UPK2: variants seen among roughly 807,000 people sequenced by gnomAD.
UPK2 encodes the protein uroplakin 2.
A neutral mutation model predicts 14.8 loss-of-function variants in UPK2; 19 were observed. The observed-to-expected ratio is 1.29, with a 90% confidence interval of 0.90 to 1.89. The LOEUF is 1.89. UPK2 is among the 40% of genes most tolerant of loss of function. The probability of loss-of-function intolerance (pLI) is 0.00; values close to 1 mark genes in which losing one functional copy is unlikely to be tolerated. For synonymous variants in UPK2, 102 were observed against 101.6 expected (o/e 1.00, Z -0.02); for missense variants, 232 against 236.0 (o/e 0.98, Z 0.11).
rs778750494 is a variant in UPK2, at chr11:118,957,630, C to T, written c.380C>T (p.Thr127Ile). 6.2e-7 allele frequency: 1 copy of T among 1,614,174 alleles called. No individual in the cohort carries two copies. Residue 127 changes from threonine (T) to isoleucine (I), a missense_variant, in exon 4 of 5, where the codon ACT becomes ATT. Transcript: ENST00000264031. ...ISYLVKKGTA[T>I]ESSREIPMST... ...TACCTAGTGAAGAAGGGGACAGCCA[C>T]TGAGTCCAGCAGAGAGATCCCAATG... is the stretch of plus-strand genomic sequence containing the variant.
Position 118,958,031 on chromosome 11 carries a change from G to A in UPK2, c.419-66G>A. 3 of 1,552,242 alleles carry A rather than the reference G, an allele frequency of 1.9e-6. No homozygotes were observed. Among genetic ancestry groups the A allele is most frequent in the South Asian group, 2.4e-5 (2 of 82,028 alleles). Reference sequence around the variant, plus strand: ...CAGTCTGTTGGCTGGATGAGTGTGAGGCCGTGAGCCTCAGGCAGGCTGGGG... The same window carrying A: ...CAGTCTGTTGGCTGGATGAGTGTGAAGCCGTGAGCCTCAGGCAGGCTGGGG... On this transcript the variant is annotated intron_variant, in intron 4 of 4. Transcript: ENST00000264031. This position sits in a 1 kb window ranked among gnomAD's most constrained non-coding sequence, Gnocchi z 4.6.
At chr11:118,957,767 C>T (rs1003896227) in intron 4 of UPK2, 99 bp downstream of exon 4, 9 of 1,434,598 alleles carry the variant, frequency 6.3e-6, no homozygotes, top group African/African-American at 2.8e-5. Context: ...TGTGCCTCCC[C>T]GTGCGCCCTC....
intron 2 of UPK2, 70 bp downstream of exon 2, chr11:118,957,084 T>C (rs1262901000): frequency 3.1e-6 from 5 of 1,603,982 alleles, no homozygotes; most frequent in Non-Finnish European, 4.3e-6. Context: ...CTCTGCACCC[T>C]TTTCCCCATT....
chr11:118,956,784 TCA>T lies in UPK2; in HGVS notation c.77-96_77-95del. On this transcript the variant is annotated intron_variant, in intron 1 of 4. Transcript: ENST00000264031. This position sits in a 1 kb window ranked among gnomAD's most constrained non-coding sequence, Gnocchi z 4.1. ...CAGGCCTGGCTGTTCTGCCCAGGGT[TCA>T]CAGAGTGGAAAGGGAGATGGCTCCA... The T allele has an allele frequency of 1.3e-6, 2 of 1,526,012 alleles. No individual in the cohort carries two copies. The highest frequency in any genetic ancestry group is 1.4e-5 in the African/African-American group (1 of 73,132). The allele number at this position is 1,526,012 out of a possible 1,614,324, so 94.5% of individuals were successfully genotyped here.
Position 118,958,379 on chromosome 11 carries a change from C to G in UPK2, c.*146C>G. 1.1e-6 allele frequency: 1 copy of G among 898,308 alleles called. No homozygotes were observed. The highest frequency in any genetic ancestry group is 1.6e-6 in the Non-Finnish European group (1 of 610,948). 55.6% of individuals were successfully genotyped at this position (898,308 alleles called of 1,614,324 possible). On this transcript the variant is annotated 3_prime_UTR_variant, in exon 5 of 5. Coordinates refer to ENST00000264031, the MANE Select transcript of UPK2 (RefSeq NM_006760.4). This position sits in a 1 kb window ranked among gnomAD's most constrained non-coding sequence, Gnocchi z 4.6. ...CCCTCCTCTCCCCTAGAGCCCTCTC[C>G]TCCCTCTGTCCCTCTCCTTGCCCCC...
Position 118,956,340 on chromosome 11 carries a change from C to G in UPK2, c.-11C>G. 1 of 1,611,094 alleles carries G rather than the reference C, an allele frequency of 6.2e-7. No homozygotes were observed. The highest frequency in any genetic ancestry group is 1.1e-5 in the South Asian group (1 of 91,080). On this transcript the variant is annotated 5_prime_UTR_variant, in exon 1 of 5. Transcript: ENST00000264031. This position sits in a 1 kb window ranked among gnomAD's most constrained non-coding sequence, Gnocchi z 4.1. The stretch of plus-strand genomic sequence containing the variant: ...CAGCCTGCCAGCACCTATTCCACCT[C>G]CCAGCCCAGCATGGCACCCCTGCTG...
chr11:118,957,338 C>T lies in UPK2; in HGVS notation c.339C>T (p.Thr113=), dbSNP rs748097490. Residue 113 remains threonine (T), a synonymous_variant, in exon 3 of 5, where the codon ACC becomes ACT. Transcript: ENST00000264031. ...AYQVTNLVPG[T]KFYISYLVKK... is the part of the protein sequence containing the mutation. ...AGGTGACAAACCTCGTGCCAGGAAC[C>T]AAATTCTAGTAGGTACTGGGTCCAG... 2 of 1,613,858 alleles carry T rather than the reference C, an allele frequency of 1.2e-6. No individual in the cohort carries two copies. The highest frequency in any genetic ancestry group is 1.7e-6 in the Non-Finnish European group (2 of 1,179,976).
rs865783519 is a variant in UPK2, at chr11:118,957,297, C to A, written c.298C>A (p.Arg100=). The A allele has an allele frequency of 1.2e-6, 2 of 1,614,116 alleles. No individual in the cohort carries two copies. The highest frequency in any genetic ancestry group is 1.7e-6 in the Non-Finnish European group (2 of 1,180,032). Residue 100 remains arginine, a synonymous_variant, in exon 3 of 5, where the codon CGG becomes AGG. Transcript: ENST00000264031. ...CAGTGGTGCTGGCTTCACAGTCACT[C>A]GGCTCAGTGCATACCAGGTGACAAA... is the stretch of plus-strand genomic sequence containing the variant. ...VDSGAGFTVT[R]LSAYQVTNLV...
At chr11:118,957,443 G>A in intron 3 of UPK2, 97 bp downstream of exon 3, 1 of 1,563,044 alleles carries the variant, frequency 6.4e-7, no homozygotes, top group South Asian at 1.1e-5. Context: ...AGGAGAGGGT[G>A]AGGGCACAGC....
intron 2 of UPK2, 79 bp from the exon 3 acceptor site, chr11:118,957,129 C>T: frequency 3.1e-6 from 5 of 1,609,444 alleles, no homozygotes; most frequent in Non-Finnish European, 4.2e-6. Flanking sequence ...CTGGGGTACC[C>T]ACACTCTAAA....
Position 118,956,563 on chromosome 11 carries a change from A to T in UPK2, c.76+137A>T. 1 of 775,228 alleles carries T rather than the reference A, an allele frequency of 1.3e-6. No individual in the cohort carries two copies. Among genetic ancestry groups the T allele is most frequent in the Non-Finnish European group, 2.1e-6 (1 of 470,964 alleles). 48.0% of individuals were successfully genotyped at this position (775,228 alleles called of 1,614,324 possible). A position where few individuals can be genotyped will look rare whatever the true frequency, so the allele number is the denominator to read the frequency against. ...TGATGGCAGTGACTGGGTATCAGAC[A>T]CTGGGCTCAGGGTACACTCCTGATC... On this transcript the variant is annotated intron_variant, in intron 1 of 4. Coordinates refer to ENST00000264031, the MANE Select transcript of UPK2 (RefSeq NM_006760.4). This position sits in a 1 kb window ranked among gnomAD's most constrained non-coding sequence, Gnocchi z 4.1.
chr11:118,956,970 G>T lies in UPK2; in HGVS notation c.164G>T (p.Gly55Val). 1 of 1,614,110 alleles carries T rather than the reference G, an allele frequency of 6.2e-7. No individual in the cohort carries two copies. Among genetic ancestry groups the T allele is most frequent in the Non-Finnish European group, 8.5e-7 (1 of 1,180,006 alleles). ...LVALPPCHLTGGNATLMVRRA... is the reference protein window; with the variant it reads ...LVALPPCHLTVGNATLMVRRA... ...GCCTTGCCCCCCTGTCACCTCACAG[G>T]AGGCAATGCCACACTGATGGTCCGG... Residue 55 changes from glycine to valine, a missense_variant, in exon 2 of 5, where the codon GGA becomes GTA. Coordinates refer to ENST00000264031, the MANE Select transcript of UPK2 (RefSeq NM_006760.4). The surrounding 1 kb of genome is among the most constrained non-coding windows in gnomAD (Gnocchi z 4.1).
At position 118,957,224 on chromosome 11, in the gene UPK2, T is replaced by C. The variant is rs1941570289; in HGVS notation, c.225T>C (p.Phe75=). The change falls in exon 3 of 5, where the codon TTT becomes TTC. Residue 75 remains phenylalanine (F), a synonymous_variant. Transcript: ENST00000264031. ...ANDSKVVTSS[F]VVPPCRGRRE... ...TCTGCCCAGTGGTGACGTCCAGCTT[T>C]GTGGTGCCTCCGTGCCGTGGGCGCA... The C allele has an allele frequency of 6.2e-7, 1 of 1,614,098 alleles. No individual in the cohort carries two copies. The highest frequency in any genetic ancestry group is 8.5e-7 in the Non-Finnish European group (1 of 1,180,024).
At chr11:118,957,070 C>T in intron 2 of UPK2, 56 bp downstream of exon 2, 5 of 1,608,132 alleles carry the variant, frequency 3.1e-6, no homozygotes, top group Non-Finnish European at 4.3e-6. Context: ...CTTCCTGCGA[C>T]ACCCTCTGCA....
rs752084280 is a variant in UPK2, at chr11:118,956,995, G to A, written c.189G>A (p.Arg63=). The change falls in exon 2 of 5, where the codon CGG becomes CGA. Residue 63 remains arginine (R), a synonymous_variant. Transcript: ENST00000264031. This position sits in a 1 kb window ranked among gnomAD's most constrained non-coding sequence, Gnocchi z 4.1. ...LTGGNATLMV[R]RANDSKVVTS... is the part of the protein sequence containing the mutation. ...GAGGCAATGCCACACTGATGGTCCG[G>A]AGAGCCAATGACAGCAAAGGTCTGC... 29 of 1,613,762 alleles carry A rather than the reference G, an allele frequency of 1.8e-5. No homozygotes were observed. The highest frequency in any genetic ancestry group is 2.2e-5 in the Non-Finnish European group (26 of 1,180,008).
chr11:118,956,458 G>C lies in UPK2; in HGVS notation c.76+32G>C, dbSNP rs201340769. ...TCCATCTCTGGCAGGGGTGGGAAGG[G>C]GGCTGGGGGCCTGGACAGGGAGCAC... On this transcript the variant is annotated intron_variant, in intron 1 of 4. Transcript: ENST00000264031. The surrounding 1 kb of genome is among the most constrained non-coding windows in gnomAD (Gnocchi z 4.1). The C allele has an allele frequency of 4.0e-5, 63 of 1,574,262 alleles. No individual in the cohort carries two copies. Among genetic ancestry groups the C allele is most frequent in the Non-Finnish European group, 5.4e-5 (62 of 1,156,906 alleles).
intron 3 of UPK2, 41 bp downstream of exon 3, chr11:118,957,387 T>C: frequency 6.2e-7 from 1 of 1,606,934 alleles, no homozygotes; most frequent in Non-Finnish European, 8.5e-7. Context: ...GGGAAGGGGG[T>C]GCAGGAAGAG....
intron 4 of UPK2, 138 bp downstream of exon 4, chr11:118,957,806 C>A: frequency 4.0e-6 from 4 of 990,250 alleles, no homozygotes; most frequent in Non-Finnish European, 6.1e-6. Context: ...TATCCTAGCA[C>A]GGAACCTTCG....
chr11:118,956,335 C>T lies in UPK2; in HGVS notation c.-16C>T, dbSNP rs778098735. ...AACCCCAGCCTGCCAGCACCTATTC[C>T]ACCTCCCAGCCCAGCATGGCACCCC... On this transcript the variant is annotated 5_prime_UTR_variant, in exon 1 of 5. Coordinates refer to ENST00000264031, the MANE Select transcript of UPK2 (RefSeq NM_006760.4). This position sits in a 1 kb window ranked among gnomAD's most constrained non-coding sequence, Gnocchi z 4.1. 12 of 1,610,482 alleles carry T rather than the reference C, an allele frequency of 7.5e-6. No individual in the cohort carries two copies. The highest frequency in any genetic ancestry group is 1.3e-5 in the African/African-American group (1 of 74,910).
Sources: gnomAD v4.1 joint callset for allele counts on GRCh38, gnomAD v4.1.1 for gene constraint, Gnocchi (gnomAD v3.1) non-coding constraint, MANE v1.5 for transcripts, NCBI Gene and HGNC (gene_info 2026-07-23, HGNC 2026-07-21) for gene names.